The following HDAC8 variants were observed in gnomAD, a reference collection of about 807,000 sequenced individuals.
HDAC8 encodes the protein histone deacetylase 8.
In HDAC8, 1 loss-of-function variant was observed where a neutral mutation model predicts 32.2. That is an observed-to-expected ratio of 0.03 (90% CI 0.01 to 0.15). HDAC8 has a LOEUF of 0.15. Ranked by LOEUF, HDAC8 falls within the 10% of genes least tolerant of loss-of-function variation. The probability of loss-of-function intolerance (pLI) is 1.00; values close to 1 mark genes in which losing one functional copy is unlikely to be tolerated. For missense variants in HDAC8, 117 were observed against 300.0 expected, an observed-to-expected ratio of 0.39 and a Z score of 4.51; for synonymous variants, 108 against 113.9, an observed-to-expected ratio of 0.95 and a Z score of 0.33.
intron 10 of HDAC8, among the ~76,000 whole-genome samples, chrX:72,338,197 G>T (rs2043768904): frequency 8.9e-6 from 1 of 111,796 alleles, no homozygotes; most frequent in Non-Finnish European, 1.9e-5. Flanking sequence ...CAGGGACCTT[G>T]TCTGCTGTCT....
chrX:72,559,622 G>A (rs1556111416), intron 4 of HDAC8, among the ~76,000 whole-genome samples: 1 of 109,252 alleles, frequency 9.2e-6, no homozygotes, highest in East Asian at 2.9e-4. Flanking sequence ...TCTAGGAAGT[G>A]AGGAGCGTCT....
At chrX:72,515,587 T>TGGGGGGGGGGGGGGGG (rs61675419) in intron 4 of HDAC8, among the ~76,000 whole-genome samples, 1 of 33,731 alleles carries the variant, frequency 3.0e-5, no homozygotes, top group Non-Finnish European at 6.3e-5. Context: ...TCAGTGTGTG[T>TGGGGGGGGGGGGGGGG]GGGGGGGGGG....
At chrX:72,462,232 C>T (rs781944853) in intron 8 of HDAC8, 134 bp from the exon 9 acceptor site, 4 of 494,129 alleles carry the variant, frequency 8.1e-6, no homozygotes, top group African/African-American at 2.4e-5. Context: ...CCTAATCCCC[C>T]CTTTGTGATA....
chrX:72,400,919 C>T (rs950589609), intron 9 of HDAC8, among the ~76,000 whole-genome samples: 3 of 112,285 alleles, frequency 2.7e-5, no homozygotes, highest in Admixed American at 1.9e-4. Context: ...CTTCTTCACT[C>T]CTGTTTATTG....
chrX:72,438,743 G>C (rs1555980406), intron 9 of HDAC8, among the ~76,000 whole-genome samples: 2 of 111,199 alleles, frequency 1.8e-5, no homozygotes, highest in Non-Finnish European at 3.8e-5. Flanking sequence ...ATGAAATGAA[G>C]TGTGAAGACA....
intron 5 of HDAC8, among the ~76,000 whole-genome samples, chrX:72,494,658 TC>T (rs1473632050): frequency 9.0e-6 from 1 of 111,656 alleles, no homozygotes; most frequent in African/African-American, 3.3e-5. Context: ...AGGGAAGATG[TC>T]CTGTTTGTAC....
rs149220524 is a variant in HDAC8, at chrX:72,341,348, T to A, written c.1111+10385A>T. Among the ~76,000 whole-genome samples the A allele has an allele frequency of 8.6e-3, 963 of 111,856 alleles. 4 individuals are homozygous for A. Among genetic ancestry groups the A allele is most frequent in the Non-Finnish European group, 0.013 (690 of 53,128 alleles). On this transcript the variant is annotated intron_variant, in intron 10 of 10. Coordinates refer to ENST00000373573, the MANE Select transcript of HDAC8 (RefSeq NM_018486.3). The stretch of plus-strand genomic sequence containing the variant: ...AGTGAGCCATAGATGCTCAGCAGTA[T>A]TGTGAGAGCAGCAGGTGCTCCTGCT...
intron 5 of HDAC8, among the ~76,000 whole-genome samples, chrX:72,494,328 T>G (rs1301688776): frequency 1.8e-5 from 2 of 110,306 alleles, no homozygotes; most frequent in East Asian, 5.7e-4. Flanking sequence ...CATATAATAT[T>G]CTTTTCCTCT....
chrX:72,561,115 T>C (rs1372237453), intron 4 of HDAC8, among the ~76,000 whole-genome samples: 1 of 111,916 alleles, frequency 8.9e-6, no homozygotes, highest in Non-Finnish European at 1.9e-5. Context: ...AAAATGACCA[T>C]ACTGCCGAAA....
At position 72,490,917 on chromosome X, in the gene HDAC8, A is replaced by G; in HGVS notation, c.628+12T>C. On this transcript the variant is annotated intron_variant, in intron 6 of 10. Transcript: ENST00000373573. ...AGTCATCAAATGTAATACTGAGTTT[A>G]TGATCACTTGCCTGGGAAAAATCCT... The G allele has an allele frequency of 8.6e-7, 1 of 1,163,540 alleles. No homozygotes were observed.
chrX:72,486,603 G>T (rs946804683), intron 7 of HDAC8, among the ~76,000 whole-genome samples: 1 of 111,611 alleles, frequency 9.0e-6, no homozygotes, highest in African/African-American at 3.3e-5. Flanking sequence ...CTTGGATCCA[G>T]GAGGTCAAGG....
intron 4 of HDAC8, among the ~76,000 whole-genome samples, chrX:72,540,608 T>C (rs921674022): frequency 9.0e-6 from 1 of 110,689 alleles, no homozygotes; most frequent in African/African-American, 3.3e-5. Flanking sequence ...TCCTGACTGC[T>C]TGACTTTGTG....
At chrX:72,426,740 C>T (rs782556250) in intron 9 of HDAC8, among the ~76,000 whole-genome samples, 2 of 110,228 alleles carry the variant, frequency 1.8e-5, no homozygotes, top group South Asian at 7.9e-4. Context: ...TTTTATGCAT[C>T]CCATCTACTA....
chrX:72,350,370 T>C (rs973039689), intron 10 of HDAC8, among the ~76,000 whole-genome samples: 10 of 111,906 alleles, frequency 8.9e-5, no homozygotes, highest in Non-Finnish European at 3.8e-5. Context: ...CTGCTGTCAT[T>C]TACTGGGCTC....
chrX:72,487,276 C>A (rs781958610), intron 7 of HDAC8, among the ~76,000 whole-genome samples: 10 of 111,509 alleles, frequency 9.0e-5, no homozygotes, highest in South Asian at 3.7e-4. Context: ...ACATGAATTA[C>A]CATGGGATTT....
At chrX:72,397,121 A>G (rs1175571071) in intron 9 of HDAC8, among the ~76,000 whole-genome samples, 1 of 110,520 alleles carries the variant, frequency 9.0e-6, no homozygotes, top group Admixed American at 9.6e-5. Context: ...CATACTTTCA[A>G]ATAACCAGAT....
At chrX:72,498,682 T>G (rs1556014556) in intron 4 of HDAC8, among the ~76,000 whole-genome samples, 2 of 112,175 alleles carry the variant, frequency 1.8e-5, no homozygotes, top group African/African-American at 6.5e-5. Flanking sequence ...TCAACCTATA[T>G]GCTTGGTATA....
chrX:72,549,229 GA>G (rs1556062986), intron 4 of HDAC8, among the ~76,000 whole-genome samples: 2 of 110,800 alleles, frequency 1.8e-5, no homozygotes, highest in African/African-American at 6.6e-5. Context: ...TCCTTTTCAG[GA>G]TTCCTTTGGA....
At chrX:72,362,583 G>A (rs1398129008) in intron 9 of HDAC8, among the ~76,000 whole-genome samples, 6 of 112,087 alleles carry the variant, frequency 5.4e-5, no homozygotes, top group Admixed American at 9.5e-5. Context: ...CTACCTTTTA[G>A]GATTGTTGTG....
Sources: allele counts gnomAD v4.1 joint callset (sites outside exome capture counted in the v4.1 genomes callset), GRCh38; gene constraint gnomAD v4.1.1; transcripts MANE v1.5; gene names NCBI Gene and HGNC (gene_info 2026-07-23, HGNC 2026-07-21).